Variants in CCDC102B observed in about 807,000 individuals in gnomAD.
The protein encoded by CCDC102B is coiled-coil domain-containing protein 102B.
Under a neutral mutation model 57.4 loss-of-function variants are expected in CCDC102B, and 75 were observed. The ratio of observed to expected loss-of-function variants is 1.31; its 90% confidence interval spans 1.08 to 1.58. The LOEUF (loss-of-function observed/expected upper bound fraction) is 1.58. CCDC102B is among the 40% of genes most tolerant of loss of function. The pLI, the probability that CCDC102B is intolerant of heterozygous loss-of-function variation, is 0.00. For missense variants in CCDC102B, 636 were observed against 582.6 expected, an observed-to-expected ratio of 1.09 and a Z score of -0.94; for synonymous variants, 206 against 201.9, an observed-to-expected ratio of 1.02 and a Z score of -0.17.
intron 7 of CCDC102B, among the ~76,000 whole-genome samples, chr18:69,026,569 A>G (rs542443818): frequency 6.7e-6 from 1 of 149,970 alleles, no homozygotes; most frequent in African/African-American, 2.5e-5. Flanking sequence ...CAGAGAGAGG[A>G]TCAACAAAAG....
At chr18:68,756,306 C>G (rs1358163726) in intron 2 of CCDC102B, among the ~76,000 whole-genome samples, 1 of 151,584 alleles carries the variant, frequency 6.6e-6, no homozygotes, top group East Asian at 1.9e-4. Context: ...TAACAAAAAC[C>G]CTTAAACAAT....
intron 7 of CCDC102B, among the ~76,000 whole-genome samples, chr18:69,037,588 A>T (rs907401702): frequency 5.3e-5 from 8 of 152,020 alleles, no homozygotes; most frequent in Admixed American, 3.3e-4. Context: ...TTTTCATTGT[A>T]TCAGCATCCT....
intron 6 of CCDC102B, among the ~76,000 whole-genome samples, chr18:68,984,482 C>A (rs1488457637): frequency 6.6e-6 from 1 of 152,078 alleles, no homozygotes; most frequent in African/African-American, 2.4e-5. Context: ...TATGCCTTTT[C>A]TTTTGATGAT....
intron 7 of CCDC102B, among the ~76,000 whole-genome samples, chr18:69,016,959 A>G (rs2051685847): frequency 6.6e-6 from 1 of 152,178 alleles, no homozygotes; most frequent in South Asian, 2.1e-4. Context: ...GACTGTATCT[A>G]ATGGAGAATA....
intron 7 of CCDC102B, among the ~76,000 whole-genome samples, chr18:69,027,174 A>T (rs991277933): frequency 6.6e-6 from 1 of 152,196 alleles, no homozygotes; most frequent in Non-Finnish European, 1.5e-5. Context: ...ACAGATGTCA[A>T]CCTGGGCTCA....
intron 4 of CCDC102B, among the ~76,000 whole-genome samples, chr18:68,846,690 G>C (rs896861159): frequency 6.6e-6 from 1 of 151,574 alleles, no homozygotes; most frequent in Non-Finnish European, 1.5e-5. Flanking sequence ...ATATATTTAA[G>C]ATATAAAAAT....
intron 2 of CCDC102B, among the ~76,000 whole-genome samples, chr18:68,761,805 C>T (rs572476219): frequency 1.3e-5 from 2 of 152,044 alleles, no homozygotes; most frequent in South Asian, 2.1e-4. Context: ...AGTTCATTTA[C>T]GTTTATGATA....
intron 6 of CCDC102B, 197 bp downstream of exon 6, chr18:68,897,625 A>G: frequency 4.0e-6 from 6 of 1,517,754 alleles, no homozygotes; most frequent in Non-Finnish European, 5.3e-6. Context: ...GTCAAATGTT[A>G]AAATATGACA....
chr18:69,036,383 A>C (rs2052292543), intron 7 of CCDC102B, among the ~76,000 whole-genome samples: 1 of 152,054 alleles, frequency 6.6e-6, no homozygotes, highest in Admixed American at 6.6e-5. Flanking sequence ...AATTTTTGGG[A>C]ATCTACCCAG....
At chr18:68,731,572 C>T (rs2032863701) in intron 2 of CCDC102B, among the ~76,000 whole-genome samples, 1 of 151,726 alleles carries the variant, frequency 6.6e-6, no homozygotes, top group South Asian at 2.1e-4. Context: ...GGTTCCATTG[C>T]CTCAAGGTCA....
chr18:68,753,394 A>G (rs2145251186), intron 2 of CCDC102B: 1 of 152,238 alleles, frequency 6.6e-6, no homozygotes, highest in East Asian at 1.9e-4. Flanking sequence ...AGATATCTCC[A>G]GTCTTGGGGA....
chr18:68,948,261 G>A (rs982393154), intron 6 of CCDC102B, among the ~76,000 whole-genome samples: 1 of 151,932 alleles, frequency 6.6e-6, no homozygotes, highest in South Asian at 2.1e-4. Context: ...GATGTACAGG[G>A]TAATTTCTGT....
intron 5 of CCDC102B, among the ~76,000 whole-genome samples, chr18:68,886,416 A>C (rs2039886023): frequency 6.9e-6 from 1 of 144,464 alleles, no homozygotes; most frequent in African/African-American, 2.6e-5. Flanking sequence ...TTTATTTGGA[A>C]GATGAAGTAT....
chr18:68,747,280 T>G (rs573325257), intron 2 of CCDC102B, among the ~76,000 whole-genome samples: 11 of 152,088 alleles, frequency 7.2e-5, no homozygotes, highest in Non-Finnish European at 1.2e-4. Flanking sequence ...ATTCTCTACT[T>G]CTATGAGATA....
At chr18:69,034,392 G>A (rs528476915) in intron 7 of CCDC102B, among the ~76,000 whole-genome samples, 40 of 151,992 alleles carry the variant, frequency 2.6e-4, no homozygotes, top group Middle Eastern at 3.4e-3. Flanking sequence ...TTGGGGAATG[G>A]TATAAAGTGC....
chr18:68,932,580 C>T (rs764380628), intron 6 of CCDC102B, among the ~76,000 whole-genome samples: 42 of 151,890 alleles, frequency 2.8e-4, no homozygotes, highest in African/African-American at 5.3e-4. Flanking sequence ...CCATTTTACA[C>T]AAAAATCTTC....
chr18:69,016,921 CAAT>C (rs1274787211), intron 7 of CCDC102B, among the ~76,000 whole-genome samples: 1 of 151,980 alleles, frequency 6.6e-6, no homozygotes, highest in Non-Finnish European at 1.5e-5. Flanking sequence ...CTTTGGTTCT[CAAT>C]GATAGGTCAA....
intron 1 of CCDC102B, among the ~76,000 whole-genome samples, chr18:68,824,538 T>C (rs551980809): frequency 6.6e-6 from 1 of 152,234 alleles, no homozygotes; most frequent in Non-Finnish European, 1.5e-5. Context: ...TTTCGAGTAC[T>C]ATGTTGAACA....
In CCDC102B at chr18:68,756,203, AGAT is replaced by A. The variant is rs559090855; in HGVS notation, c.-67+39612_-67+39614del. Among the ~76,000 whole-genome samples the A allele has an allele frequency of 1.1e-3, 165 of 152,092 alleles. 1 individual carries two copies. The East Asian group carries it at 0.021, about 20-fold the overall frequency. On this transcript the variant is annotated intron_variant, in intron 2 of 3. Transcript: ENST00000578970. The stretch of plus-strand genomic sequence containing the variant: ...AAATAATATGAGAAATCAAAAATGA[AGAT>A]GAGTAAATTTACTTAGGATATTAAA...
Sources: gnomAD v4.1 joint callset for allele counts (sites outside exome capture counted in the v4.1 genomes callset) on GRCh38, gnomAD v4.1.1 for gene constraint, MANE v1.5 for transcripts, NCBI Gene and HGNC (gene_info 2026-07-23, HGNC 2026-07-21) for gene names.